The following STAMBP variants were observed in gnomAD, a reference collection of about 807,000 sequenced individuals.
The protein encoded by STAMBP is STAM-binding protein.
Under a neutral mutation model 50.7 loss-of-function variants are expected in STAMBP, and 31 were observed. The ratio of observed to expected loss-of-function variants is 0.61; its 90% CI spans 0.46 to 0.83. The LOEUF (loss-of-function observed/expected upper bound fraction) is 0.83. Ranked by LOEUF, STAMBP falls within the 40% of genes least tolerant of loss-of-function variation. The pLI, the probability that STAMBP is intolerant of heterozygous loss-of-function variation, is 0.00. For missense variants in STAMBP, 472 were observed against 518.9 expected (o/e 0.91, Z 0.88); for synonymous variants, 211 against 192.4 (o/e 1.10, Z -0.80).
At chr2:73,838,296 T>G (rs565196179) in intron 2 of STAMBP, among the ~76,000 whole-genome samples, 115 of 152,366 alleles carry the variant, frequency 7.5e-4, no homozygotes, top group African/African-American at 2.5e-3. Context: ...TGGATGTGAC[T>G]GGTTCCAATG....
At chr2:73,840,753 A>T (rs6546876) in intron 2 of STAMBP, among the ~76,000 whole-genome samples, 62,837 of 151,052 alleles carry the variant, frequency 0.42, 14,215 homozygotes, top group African/African-American at 0.61. Context: ...CAAAAAAAAA[A>T]AAATAAATAA....
At chr2:73,836,788 A>C (rs547367567) in intron 2 of STAMBP, among the ~76,000 whole-genome samples, 12 of 152,310 alleles carry the variant, frequency 7.9e-5, no homozygotes, top group African/African-American at 2.9e-4. Flanking sequence ...GCCTCCTGCC[A>C]GCAGAGGTGC....
chr2:73,836,547 G>A (rs1004001670), intron 2 of STAMBP, among the ~76,000 whole-genome samples: 1 of 152,232 alleles, frequency 6.6e-6, no homozygotes, highest in Non-Finnish European at 1.5e-5. Flanking sequence ...AATAGACCCT[G>A]TCCAGCCCCA....
Position 73,861,866 on chromosome 2 carries a change from G to A in STAMBP, c.1219-337G>A, listed in dbSNP as rs550280402. 2.2e-3 allele frequency among the ~76,000 whole-genome samples: 341 copies of A among 152,074 alleles called. 2 individuals carry two copies. Among genetic ancestry groups the A allele is most frequent in the African/African-American group, 8.0e-3 (332 of 41,516 alleles). ...TAAAATGACTTTTCAGGCCGGGCAC[G>A]GTGGCTCACGCCTATAATCCCAATA... On this transcript the variant is annotated intron_variant, in intron 9 of 9. Transcript: ENST00000394070.
Position 73,847,081 on chromosome 2 carries a change from C to CAAAA in STAMBP, c.376-292_376-289dup, listed in dbSNP as rs10685610. 1.1e-3 allele frequency among the ~76,000 whole-genome samples: 101 copies of CAAAA among 96,178 alleles called. 1 individual carries two copies. Among genetic ancestry groups the CAAAA allele is most frequent in the South Asian group, 1.4e-3 (4 of 2,856 alleles). 63.1% of individuals were successfully genotyped at this position (96,178 alleles called of 152,430 possible). ...TGGGAAACAGAATGAGACCCTGTCT[C>CAAAA]AAAAAAAAAAAAAAAAAGATTTCAG... is the stretch of plus-strand genomic sequence containing the variant. On this transcript the variant is annotated intron_variant, in intron 4 of 9. Coordinates refer to ENST00000394070, the MANE Select transcript of STAMBP (RefSeq NM_213622.4).
intron 2 of STAMBP, among the ~76,000 whole-genome samples, chr2:73,838,583 A>ATTCT (rs1675007639): frequency 6.6e-6 from 1 of 152,212 alleles, no homozygotes; most frequent in African/African-American, 2.4e-5. Context: ...ACTCCTCAGA[A>ATTCT]GTCAAGAGGG....
At chr2:73,871,913 G>A (rs920735817), downstream of STAMBP, among the ~76,000 whole-genome samples, 6 of 151,886 alleles carry the variant, frequency 4.0e-5, no homozygotes, top group South Asian at 4.2e-4. Flanking sequence ...GATTACAGGC[G>A]CACACCACCA....
At chr2:73,829,969 T>A (rs56665235) in intron 1 of STAMBP, among the ~76,000 whole-genome samples, 14,499 of 152,200 alleles carry the variant, frequency 0.095, 1,547 homozygotes, top group African/African-American at 0.26. Flanking sequence ...GCATACTGAT[T>A]AGGGTTTGCT....
rs1673839713 is a variant in STAMBP at position 73,830,970 on chromosome 2, C to A, written c.114C>A (p.Arg38=). 1 of 1,614,098 alleles carries A rather than the reference C, an allele frequency of 6.2e-7. No homozygotes were observed. The highest frequency in any genetic ancestry group is 1.3e-5 in the African/African-American group (1 of 74,928). The change falls in exon 2 of 10, where the codon CGC becomes CGA. Residue 38 remains arginine, a synonymous_variant. Coordinates refer to ENST00000394070, the MANE Select transcript of STAMBP (RefSeq NM_213622.4). ...NEDIPPRRYF[R]SGVEIIRMAS... ...ACATTCCACCCCGTCGGTACTTCCGCTCTGGAGTTGAGATTATCCGAATGG... is the reference window on the plus strand; with the variant it reads ...ACATTCCACCCCGTCGGTACTTCCGATCTGGAGTTGAGATTATCCGAATGG...
At chr2:73,849,042 A>C (rs556831865) in intron 5 of STAMBP, among the ~76,000 whole-genome samples, 2 of 152,314 alleles carry the variant, frequency 1.3e-5, no homozygotes, top group South Asian at 2.1e-4. Flanking sequence ...TTTGAGTTAC[A>C]AACAATCCAA....
At chr2:73,872,192 A>G (rs748766453) in intron 10 of STAMBP, among the ~76,000 whole-genome samples, 32 of 152,198 alleles carry the variant, frequency 2.1e-4, no homozygotes, top group Non-Finnish European at 4.0e-4. Context: ...AGGATGGAAT[A>G]TTAGCCAGGC....
intron 7 of STAMBP, among the ~76,000 whole-genome samples, chr2:73,854,043 A>G (rs1159327073): frequency 1.3e-5 from 2 of 152,314 alleles, no homozygotes; most frequent in African/African-American, 4.8e-5. Context: ...CTTATGCCCA[A>G]TGAGCCAACA....
At chr2:73,860,385 GT>G in intron 9 of STAMBP, 1 of 533,928 alleles carries the variant, frequency 1.9e-6, no homozygotes, top group Non-Finnish European at 2.9e-6. Flanking sequence ...CTGGGCCTCA[GT>G]TTTCCCATCT....
intron 2 of STAMBP, among the ~76,000 whole-genome samples, chr2:73,832,082 AAC>A (rs1362566666): frequency 2.3e-5 from 2 of 85,844 alleles, no homozygotes; most frequent in African/African-American, 1.2e-4. Context: ...TTGAGTAGGT[AAC>A]ATATATATAT....
At chr2:73,846,467 C>T (rs184827606) in intron 4 of STAMBP, among the ~76,000 whole-genome samples, 3 of 151,220 alleles carry the variant, frequency 2.0e-5, no homozygotes, top group Admixed American at 2.0e-4. Context: ...TGGGTCTCTA[C>T]AAAAAATACA....
In STAMBP at chr2:73,840,565, G is replaced by A. The variant is rs188726323; in HGVS notation, c.204-4248G>A. Among the ~76,000 whole-genome samples the A allele has an allele frequency of 5.1e-3, 769 of 151,638 alleles. 6 individuals are homozygous for A. Among genetic ancestry groups the A allele is most frequent in the African/African-American group, 0.017 (724 of 41,400 alleles). Reference sequence around the variant, plus strand: ...TGGAGACCAGCCTGGTCAACATGGCGAAACCCCATCTCTACTAAAAATACG... The same window carrying A: ...TGGAGACCAGCCTGGTCAACATGGCAAAACCCCATCTCTACTAAAAATACG... On this transcript the variant is annotated intron_variant, in intron 2 of 9. Coordinates refer to ENST00000394070, the MANE Select transcript of STAMBP (RefSeq NM_213622.4).
At chr2:73,872,961 A>G (rs1315982267) in intron 10 of STAMBP, among the ~76,000 whole-genome samples, 1 of 152,256 alleles carries the variant, frequency 6.6e-6, no homozygotes, top group Non-Finnish European at 1.5e-5. Flanking sequence ...AATAATTTGC[A>G]TAACAAACCC....
intron 4 of STAMBP, among the ~76,000 whole-genome samples, chr2:73,846,625 GAAA>G (rs71406838): frequency 7.2e-6 from 1 of 139,150 alleles, no homozygotes; most frequent in Admixed American, 7.1e-5. Context: ...GACTCTCTAA[GAAA>G]AAAAAAAAAA....
At chr2:73,848,207 C>T (rs568931736) in intron 5 of STAMBP, among the ~76,000 whole-genome samples, 1 of 152,186 alleles carries the variant, frequency 6.6e-6, no homozygotes, top group African/African-American at 2.4e-5. Context: ...AGAGACACTT[C>T]CTAACTTTAG....
Sources: allele counts gnomAD v4.1 joint callset (sites outside exome capture counted in the v4.1 genomes callset), GRCh38; gene constraint gnomAD v4.1.1; transcripts MANE v1.5; gene names NCBI Gene and HGNC (gene_info 2026-07-23, HGNC 2026-07-21).